Variants in PLD3 observed in about 807,000 individuals in gnomAD.
PLD3 encodes phospholipase D family member 3.
A neutral mutation model predicts 58.4 loss-of-function variants in PLD3; 31 were observed. The observed-to-expected ratio is 0.53, with a 90% CI of 0.40 to 0.72. The LOEUF is 0.72. Ranked by LOEUF, PLD3 falls within the 30% of genes least tolerant of loss-of-function variation. The probability of loss-of-function intolerance (pLI) is 0.00; values close to 1 mark genes in which losing one functional copy is unlikely to be tolerated. For missense variants in PLD3, 595 were observed against 659.8 expected (o/e 0.90, Z 1.08); for synonymous variants, 264 against 273.4 (o/e 0.97, Z 0.34).
At chr19:40,374,371 G>A (rs2079139811) in intron 9 of PLD3, 110 bp from the exon 10 acceptor site, 2 of 1,163,436 alleles carry the variant, frequency 1.7e-6, no homozygotes, top group Non-Finnish European at 1.2e-6. Context: ...GGAGGCTGAG[G>A]ATTTGGTGAG....
In PLD3 at chr19:40,367,792, C is replaced by T. The variant is rs759001865; in HGVS notation, c.342C>T (p.Ala114=). 8.1e-6 allele frequency: 13 copies of T among 1,611,640 alleles called. No homozygotes were observed. The highest frequency in any genetic ancestry group is 5.0e-5 in the Admixed American group (3 of 59,798). The part of the protein sequence containing the change: ...STSQAWLGLL[A]GAHSSLDIAS... ...GCCAGGCCTGGCTGGGCCTGCTCGC[C>T]GGTGCGCACAGCAGCCTGGACATCG... Residue 114 remains alanine (A), a synonymous_variant, in exon 6 of 13, where the codon GCC becomes GCT. Transcript: ENST00000409735.
chr19:40,366,160 G>T, intron 2 of PLD3: 1 of 451,982 alleles, frequency 2.2e-6, no homozygotes, highest in South Asian at 2.3e-5. Context: ...GGGAGAAGGG[G>T]GCTGCTAGAG....
Position 40,374,485 on chromosome 19 carries a change from C to T in PLD3, c.884C>T (p.Ala295Val), listed in dbSNP as rs777569334. The T allele has an allele frequency of 6.8e-6, 11 of 1,613,976 alleles. No homozygotes were observed. The highest frequency in any genetic ancestry group is 8.5e-6 in the Non-Finnish European group (10 of 1,179,980). ...TAACTGTCCCCTCGCCCTCAGAGTGCGCCCCCACCCCTGTGTCCAAGTGGC... is the reference window on the plus strand; with the variant it reads ...TAACTGTCCCCTCGCCCTCAGAGTGTGCCCCCACCCCTGTGTCCAAGTGGC... Reference protein sequence around the residue: ...GTPALAYLASAPPPLCPSGRT... With the variant: ...GTPALAYLASVPPPLCPSGRT... The change falls in exon 10 of 13, where the codon GCG becomes GTG. Residue 295 changes from alanine to valine, a missense_variant. Ala to Val is a moderately conservative substitution (Grantham distance 64). Transcript: ENST00000409735.
chr19:40,366,634 G>T lies in PLD3; in HGVS notation c.52G>T (p.Ala18Ser), dbSNP rs757404195. ...GCTGAAGGTGCCTGCAGAGGAGCCC[G>T]CCAATGAGCTGCCCATGAATGAGAT... ...QELKVPAEEP[A>S]NELPMNEIEA... Residue 18 changes from alanine to serine, a missense_variant, in exon 4 of 13, where the codon GCC becomes TCC. Coordinates refer to ENST00000409735, the MANE Select transcript of PLD3 (RefSeq NM_012268.4). 3 of 1,581,894 alleles carry T rather than the reference G, an allele frequency of 1.9e-6. No individual in the cohort carries two copies. Among genetic ancestry groups the T allele is most frequent in the Non-Finnish European group, 2.6e-6 (3 of 1,162,374 alleles).
chr19:40,350,778 G>A (rs536784490), intron 1 of PLD3, among the ~76,000 whole-genome samples: 2 of 151,816 alleles, frequency 1.3e-5, no homozygotes, highest in South Asian at 4.2e-4. Context: ...TATGGACTGT[G>A]TACTACACTC....
chr19:40,361,331 G>T (rs968511917), intron 1 of PLD3, among the ~76,000 whole-genome samples: 1 of 151,970 alleles, frequency 6.6e-6, no homozygotes, highest in African/African-American at 2.4e-5. Context: ...GGCTGGTCTC[G>T]AACTCCCAAC....
chr19:40,367,766 A>G lies in PLD3; in HGVS notation c.316A>G (p.Ser106Gly). ...TGCCTCCACGGGGAACCCTTCCACC[A>G]GCCAGGCCTGGCTGGGCCTGCTCGC... is the stretch of plus-strand genomic sequence containing the variant. ...PNASTGNPST[S>G]QAWLGLLAGA... is the part of the protein sequence containing the mutation. The change falls in exon 6 of 13, where the codon AGC (serine) becomes GGC (glycine). Residue 106 changes from serine (S) to glycine (G), a missense_variant. Transcript: ENST00000409735. 6.2e-7 allele frequency: 1 copy of G among 1,613,714 alleles called. No homozygotes were observed. Among genetic ancestry groups the G allele is most frequent in the Non-Finnish European group, 8.5e-7 (1 of 1,179,896 alleles).
At chr19:40,374,006 A>C (rs969918079) in intron 9 of PLD3, among the ~76,000 whole-genome samples, 1 of 151,864 alleles carries the variant, frequency 6.6e-6, no homozygotes, top group Middle Eastern at 3.4e-3. Context: ...AAAAAAAAAA[A>C]AAAAAAGACT....
intron 1 of PLD3, chr19:40,358,871 G>A (rs2078713748): frequency 6.6e-6 from 1 of 152,124 alleles, no homozygotes; most frequent in Non-Finnish European, 1.5e-5. Flanking sequence ...CCCTGGGGGT[G>A]GGGTGTTCAG....
intron 10 of PLD3, among the ~76,000 whole-genome samples, chr19:40,375,801 G>A (rs1481863750): frequency 2.6e-5 from 4 of 152,194 alleles, no homozygotes; most frequent in Non-Finnish European, 5.9e-5. Flanking sequence ...GCTCACGCCT[G>A]TAATCCCAAC....
chr19:40,371,131 G>A lies in PLD3; in HGVS notation c.679-542G>A, dbSNP rs16974220. ...GCAAGATGGAACAGGAAACAGCTTGGGCAATGAGGTGAAGATAAGACAGGA... is the reference window on the plus strand; with the variant it reads ...GCAAGATGGAACAGGAAACAGCTTGAGCAATGAGGTGAAGATAAGACAGGA... On this transcript the variant is annotated intron_variant, in intron 8 of 12. Transcript: ENST00000409735. 4.1e-3 allele frequency among the ~76,000 whole-genome samples: 621 copies of A among 152,300 alleles called. 6 individuals are homozygous for A. The highest frequency in any genetic ancestry group is 0.014 in the African/African-American group (588 of 41,546).
In PLD3 at chr19:40,366,926, G is replaced by T; in HGVS notation, c.245+11G>T. 1 of 1,588,628 alleles carries T rather than the reference G, an allele frequency of 6.3e-7. No individual in the cohort carries two copies. Among genetic ancestry groups the T allele is most frequent in the Non-Finnish European group, 8.6e-7 (1 of 1,166,652 alleles). On this transcript the variant is annotated intron_variant, in intron 5 of 12. Coordinates refer to ENST00000409735, the MANE Select transcript of PLD3 (RefSeq NM_012268.4). ...CTATGACCCTTGCGAGTAAGTGGGG[G>T]GTGCTGCAGTTGGTGGGGGAGGGGC...
At chr19:40,350,029 G>A (rs1366997456) in intron 1 of PLD3, among the ~76,000 whole-genome samples, 6 of 150,752 alleles carry the variant, frequency 4.0e-5, no homozygotes, top group African/African-American at 1.5e-4. Context: ...GGGAGGCCGA[G>A]GCGGGCGGAT....
chr19:40,367,595 A>T, intron 5 of PLD3, 101 bp from the exon 6 acceptor site: 1 of 1,010,102 alleles, frequency 9.9e-7, no homozygotes, highest in Non-Finnish European at 1.4e-6. Flanking sequence ...AAAAAAAAAA[A>T]TACAGTCTAT....
chr19:40,369,551 C>T (rs898229483), intron 6 of PLD3, among the ~76,000 whole-genome samples: 4 of 152,088 alleles, frequency 2.6e-5, no homozygotes, highest in Admixed American at 2.6e-4. Flanking sequence ...TTGGCATCAT[C>T]GTGCCTCACC....
At chr19:40,371,988 A>C in intron 9 of PLD3, 115 bp downstream of exon 9, 1 of 808,588 alleles carries the variant, frequency 1.2e-6, no homozygotes, top group Non-Finnish European at 2.0e-6. Context: ...ATCAGTTCTC[A>C]CCCCAGCTCA....
intron 1 of PLD3, among the ~76,000 whole-genome samples, chr19:40,351,872 C>T (rs1379080194): frequency 6.6e-6 from 1 of 152,174 alleles, no homozygotes; most frequent in East Asian, 1.9e-4. Flanking sequence ...AGAACTTCTA[C>T]CCAGGATCGA....
chr19:40,358,460 C>T (rs1215656125), intron 1 of PLD3: 1 of 152,336 alleles, frequency 6.6e-6, no homozygotes, highest in African/African-American at 2.4e-5. Flanking sequence ...CCATGTTGGC[C>T]AGGCTGGTCT....
chr19:40,353,643 A>T (rs558126637), intron 1 of PLD3, among the ~76,000 whole-genome samples: 39 of 133,544 alleles, frequency 2.9e-4, no homozygotes, highest in Middle Eastern at 5.3e-3. Context: ...CAGTGGTGTG[A>T]TCTCAGCTCA....
Sources: allele counts gnomAD v4.1 joint callset (sites outside exome capture counted in the v4.1 genomes callset), GRCh38; gene constraint gnomAD v4.1.1; transcripts MANE v1.5; gene names NCBI Gene and HGNC (gene_info 2026-07-23, HGNC 2026-07-21).